Variants in SEMA5A observed in about 807,000 individuals in gnomAD.
SEMA5A encodes semaphorin 5A, also known as semaphorin-5A.
Under a neutral mutation model 135.5 loss-of-function variants are expected in SEMA5A, and 55 were observed. The ratio of observed to expected loss-of-function variants is 0.41; its 90% confidence interval spans 0.33 to 0.51. The LOEUF (loss-of-function observed/expected upper bound fraction) is 0.51. Among genes scored for constraint, SEMA5A ranks in the 20% least tolerant of loss-of-function variants. SEMA5A has a pLI of 0.37. For missense variants in SEMA5A, 1,290 were observed against 1,419.9 expected, an observed-to-expected ratio of 0.91 and a Z score of 1.47; for synonymous variants, 580 against 546.5, an observed-to-expected ratio of 1.06 and a Z score of -0.85.
At chr5:9,120,517 C>T (rs1740756743) in intron 14 of SEMA5A, among the ~76,000 whole-genome samples, 1 of 151,934 alleles carries the variant, frequency 6.6e-6, no homozygotes, top group Admixed American at 6.6e-5. Flanking sequence ...CCAAAATTAT[C>T]ACACAATAAG....
intron 6 of SEMA5A, among the ~76,000 whole-genome samples, chr5:9,230,763 T>C (rs1020906850): frequency 6.6e-6 from 1 of 151,470 alleles, no homozygotes; most frequent in African/African-American, 2.4e-5. Flanking sequence ...TGAAGGAGGG[T>C]AGTAGTGTAG....
intron 2 of SEMA5A, among the ~76,000 whole-genome samples, chr5:9,427,316 G>A (rs935102381): frequency 3.3e-5 from 5 of 152,028 alleles, no homozygotes; most frequent in Admixed American, 6.5e-5. Flanking sequence ...TCTCGGGGGG[G>A]AAAAAGATGA....
At chr5:9,044,973 T>C (rs1311695315) in intron 21 of SEMA5A, among the ~76,000 whole-genome samples, 1 of 151,942 alleles carries the variant, frequency 6.6e-6, no homozygotes, top group Non-Finnish European at 1.5e-5. Context: ...TTAGTAGAGA[T>C]GGGGTTTCTC....
At chr5:9,486,411 T>G (rs868040521) in intron 1 of SEMA5A, among the ~76,000 whole-genome samples, 13 of 152,314 alleles carry the variant, frequency 8.5e-5, no homozygotes, top group African/African-American at 3.1e-4. Context: ...CTGCACGTTC[T>G]GCACATGCAT....
chr5:9,144,721 G>A (rs545256949), intron 12 of SEMA5A, among the ~76,000 whole-genome samples: 76 of 152,226 alleles, frequency 5.0e-4, no homozygotes, highest in Non-Finnish European at 9.6e-4. Flanking sequence ...CTTGAGACAG[G>A]GAATTATTGC....
intron 11 of SEMA5A, among the ~76,000 whole-genome samples, chr5:9,164,164 T>TATA (rs1486538491): frequency 2.0e-4 from 27 of 134,564 alleles, no homozygotes; most frequent in Middle Eastern, 3.8e-3. Flanking sequence ...ATCATATAAA[T>TATA]ATTTATATAA....
chr5:9,391,994 C>T (rs1379104853), intron 2 of SEMA5A, among the ~76,000 whole-genome samples: 3 of 152,130 alleles, frequency 2.0e-5, no homozygotes, highest in Admixed American at 6.5e-5. Context: ...TGCACATGCA[C>T]GCGTGTGCAT....
intron 5 of SEMA5A, among the ~76,000 whole-genome samples, chr5:9,249,902 C>A (rs532597652): frequency 1.3e-5 from 2 of 152,174 alleles, no homozygotes; most frequent in African/African-American, 2.4e-5. Context: ...GAGAACTGGA[C>A]CCCAGGGTGG....
intron 1 of SEMA5A, among the ~76,000 whole-genome samples, chr5:9,480,541 AC>A (rs1759835888): frequency 1.3e-5 from 2 of 152,162 alleles, no homozygotes; most frequent in African/African-American, 4.8e-5. Context: ...TTTGGTGGCA[AC>A]CCTGCCTTTG....
intron 4 of SEMA5A, among the ~76,000 whole-genome samples, chr5:9,331,345 T>G (rs1753122132): frequency 6.6e-6 from 1 of 152,150 alleles, no homozygotes; most frequent in South Asian, 2.1e-4. Flanking sequence ...AAGAAGAAAC[T>G]CATTAAATAG....
At chr5:9,135,081 G>A (rs1196830972) in intron 13 of SEMA5A, among the ~76,000 whole-genome samples, 1 of 152,074 alleles carries the variant, frequency 6.6e-6, no homozygotes, top group Non-Finnish European at 1.5e-5. Context: ...TACAGTGAAG[G>A]CCCCTTGATT....
chr5:9,209,912 A>G (rs1746251085), intron 8 of SEMA5A, among the ~76,000 whole-genome samples: 1 of 152,256 alleles, frequency 6.6e-6, no homozygotes, highest in South Asian at 2.1e-4. Flanking sequence ...AGGAGGTAAC[A>G]TTAGTCATCA....
At chr5:9,209,377 C>T (rs3026335) in intron 8 of SEMA5A, among the ~76,000 whole-genome samples, 1,913 of 152,228 alleles carry the variant, frequency 0.013, 45 homozygotes, top group African/African-American at 0.043. Context: ...AATTTCTATT[C>T]GCCATGTTCA....
At chr5:9,441,561 G>GA (rs1453171687) in intron 1 of SEMA5A, among the ~76,000 whole-genome samples, 2 of 151,928 alleles carry the variant, frequency 1.3e-5, no homozygotes, top group African/African-American at 4.8e-5. Flanking sequence ...TGAGATAGGT[G>GA]AAAAAAAGCA....
intron 5 of SEMA5A, among the ~76,000 whole-genome samples, chr5:9,307,209 C>G (rs1342135227): frequency 6.6e-6 from 1 of 152,162 alleles, no homozygotes; most frequent in African/African-American, 2.4e-5. Context: ...ATAGCCCCCA[C>G]AACAGTAAGA....
chr5:9,513,316 C>T (rs1165122173), intron 1 of SEMA5A, among the ~76,000 whole-genome samples: 2 of 151,910 alleles, frequency 1.3e-5, no homozygotes, highest in Admixed American at 6.6e-5. Context: ...AGCAAAGAAT[C>T]CTATCATTGG....
At chr5:9,540,494 G>A (rs998246722) in intron 1 of SEMA5A, among the ~76,000 whole-genome samples, 5 of 151,926 alleles carry the variant, frequency 3.3e-5, no homozygotes, top group African/African-American at 7.3e-5. Context: ...CTGCTCAGGA[G>A]GATGAGGCAT....
intron 5 of SEMA5A, among the ~76,000 whole-genome samples, chr5:9,317,321 C>T (rs995116076): frequency 3.3e-5 from 5 of 151,870 alleles, no homozygotes; most frequent in African/African-American, 4.8e-5. Flanking sequence ...CTCTTTTGAA[C>T]GTCTTACTTA....
rs1326136421 is a variant in SEMA5A at position 9,042,399 on chromosome 5, T to G, written c.*498A>C. 6.4e-6 allele frequency: 1 copy of G among 156,710 alleles called. No individual in the cohort carries two copies. Among genetic ancestry groups the G allele is most frequent in the Non-Finnish European group, 1.4e-5 (1 of 71,392 alleles). The allele number at this position is 156,710 out of a possible 1,614,324, so 9.7% of individuals were successfully genotyped here. On this transcript the variant is annotated 3_prime_UTR_variant, in exon 23 of 23. Transcript: ENST00000382496. ...AGAATCCCACAGCTTTATCCAGATT[T>G]GGAAAGTTGGGCAATCCATGGTGAA...
Sources: gnomAD v4.1 joint callset for allele counts (sites outside exome capture counted in the v4.1 genomes callset) on GRCh38, gnomAD v4.1.1 for gene constraint, MANE v1.5 for transcripts, NCBI Gene and HGNC (gene_info 2026-07-23, HGNC 2026-07-21) for gene names.